CUEDC1: variants seen among roughly 807,000 people sequenced by gnomAD.
The protein encoded by CUEDC1 is CUE domain containing 1, also known as CUE domain-containing protein 1.
Under a neutral mutation model 43.7 loss-of-function variants are expected in CUEDC1, and 30 were observed. The ratio of observed to expected loss-of-function variants is 0.69; its 90% CI spans 0.51 to 0.93. The LOEUF is 0.93. Ranked by LOEUF, CUEDC1 falls within the 40% of genes least tolerant of loss-of-function variation. CUEDC1 has a pLI of 0.00. For synonymous variants in CUEDC1, 223 were observed against 223.6 expected (o/e 1.00, Z 0.02); for missense variants, 486 against 549.0 (o/e 0.89, Z 1.15).
intron 1 of CUEDC1, among the ~76,000 whole-genome samples, chr17:57,953,225 C>T (rs922665786): frequency 1.3e-5 from 2 of 152,222 alleles, no homozygotes; most frequent in Non-Finnish European, 2.9e-5. Flanking sequence ...TATCCACCTC[C>T]ACCCAAATCC....
At chr17:57,878,758 C>T (rs950723421) in intron 3 of CUEDC1, among the ~76,000 whole-genome samples, 12 of 152,144 alleles carry the variant, frequency 7.9e-5, no homozygotes, top group African/African-American at 2.7e-4. Flanking sequence ...CCTCCGCCTC[C>T]GGGGTTCAAG....
Position 57,938,277 on chromosome 17 carries a change from C to A in CUEDC1, c.-316+16948G>T, listed in dbSNP as rs111334068. 6.7e-3 allele frequency among the ~76,000 whole-genome samples: 1,020 copies of A among 152,312 alleles called. 13 individuals carry two copies. The highest frequency in any genetic ancestry group is 0.023 in the African/African-American group (969 of 41,566). On this transcript the variant is annotated intron_variant, in intron 1 of 10. Transcript: ENST00000577830. Reference sequence around the variant, plus strand: ...TGTATTTACGCAGGTGATAAATACACGTTTACTCTCTGGTTTATGATGTCA... The same window carrying A: ...TGTATTTACGCAGGTGATAAATACAAGTTTACTCTCTGGTTTATGATGTCA...
At chr17:57,866,135 A>G (rs1448007203) in intron 10 of CUEDC1, among the ~76,000 whole-genome samples, 1 of 151,996 alleles carries the variant, frequency 6.6e-6, no homozygotes, top group African/African-American at 2.4e-5. Flanking sequence ...TTTTTCTTAA[A>G]TCATCCTCTC....
chr17:57,936,114 G>A (rs1190440409), intron 1 of CUEDC1, among the ~76,000 whole-genome samples: 2 of 152,234 alleles, frequency 1.3e-5, no homozygotes, highest in African/African-American at 2.4e-5. Flanking sequence ...GAAAGGGAGG[G>A]TCTCTCCTCT....
intron 3 of CUEDC1, among the ~76,000 whole-genome samples, chr17:57,877,048 G>A (rs758616314): frequency 6.6e-6 from 1 of 152,182 alleles, no homozygotes; most frequent in African/African-American, 2.4e-5. Flanking sequence ...GAAGAAAGGG[G>A]TGGGGAGAAC....
At chr17:57,918,955 G>A (rs1212921778) in intron 1 of CUEDC1, among the ~76,000 whole-genome samples, 5 of 152,164 alleles carry the variant, frequency 3.3e-5, no homozygotes, top group Non-Finnish European at 7.4e-5. Context: ...CCGGGATGAA[G>A]CGATGCTTCT....
At chr17:57,879,771 A>G (rs2074179547) in intron 2 of CUEDC1, 33 bp from the exon 3 acceptor site, 5 of 1,581,300 alleles carry the variant, frequency 3.2e-6, no homozygotes, top group Non-Finnish European at 3.4e-6. Context: ...AGAAATATTA[A>G]TCATCCCTCC....
intron 1 of CUEDC1, among the ~76,000 whole-genome samples, chr17:57,920,375 T>G (rs1189877302): frequency 3.9e-5 from 6 of 152,220 alleles, no homozygotes; most frequent in Non-Finnish European, 7.3e-5. Context: ...CCTGGTTTTA[T>G]CTTGCTGAAG....
chr17:57,867,348 C>T lies in CUEDC1; in HGVS notation c.1093+9G>A. The T allele has an allele frequency of 6.4e-7, 1 of 1,551,730 alleles. No homozygotes were observed. The highest frequency in any genetic ancestry group is 8.7e-7 in the Non-Finnish European group (1 of 1,146,900). On this transcript the variant is annotated intron_variant, in intron 9 of 10. Coordinates refer to ENST00000577830, the MANE Select transcript of CUEDC1 (RefSeq NM_001271875.2). ...GAAGTTGGAGCTTACGACTCCCCTCCAGCCTCACCACACGCGTGGCCCTCC... is the reference window on the plus strand; with the variant it reads ...GAAGTTGGAGCTTACGACTCCCCTCTAGCCTCACCACACGCGTGGCCCTCC...
chr17:57,913,056 T>C (rs148768886), intron 1 of CUEDC1, among the ~76,000 whole-genome samples: 2,238 of 152,198 alleles, frequency 0.015, 74 homozygotes, highest in African/African-American at 0.052. Context: ...CCGGGCACAG[T>C]GGCTCACACC....
intron 1 of CUEDC1, among the ~76,000 whole-genome samples, chr17:57,914,452 T>A (rs1226765329): frequency 6.6e-6 from 1 of 152,114 alleles, no homozygotes; most frequent in African/African-American, 2.4e-5. Flanking sequence ...ACCCTTTGGA[T>A]AAAGCACAGG....
At position 57,872,817 on chromosome 17, in the gene CUEDC1, T is replaced by C. The variant is rs201998541; in HGVS notation, c.630A>G (p.Gly210=). 6.2e-7 allele frequency: 1 copy of C among 1,613,988 alleles called. No homozygotes were observed. The highest frequency in any genetic ancestry group is 2.2e-5 in the East Asian group (1 of 44,878). Residue 210 remains glycine, a synonymous_variant, in exon 5 of 11, where the codon GGA becomes GGG. Coordinates refer to ENST00000577830, the MANE Select transcript of CUEDC1 (RefSeq NM_001271875.2). ...CTGGCCCAGCCATGGCAGGTGGACA[T>C]CCCTCTCCACTCCCAGGCTTGGGGC... ...AGGPKPGSGE[G]CPPAMAGPGP...
chr17:57,896,117 G>T (rs2074405458), intron 1 of CUEDC1, among the ~76,000 whole-genome samples: 1 of 152,180 alleles, frequency 6.6e-6, no homozygotes, highest in Non-Finnish European at 1.5e-5. Flanking sequence ...GGAGGGTCCT[G>T]CAAACAGAAC....
chr17:57,891,611 C>T (rs2074355454), intron 1 of CUEDC1, among the ~76,000 whole-genome samples: 1 of 152,228 alleles, frequency 6.6e-6, no homozygotes, highest in Non-Finnish European at 1.5e-5. Context: ...ACCTCGCTGT[C>T]ATATGTGCAC....
chr17:57,917,108 T>C (rs1396912135), intron 1 of CUEDC1, among the ~76,000 whole-genome samples: 2 of 152,164 alleles, frequency 1.3e-5, no homozygotes, highest in Non-Finnish European at 2.9e-5. Context: ...TGGAGAAGAA[T>C]GGGCGGCAAC....
At chr17:57,949,729 C>T (rs976456084) in intron 1 of CUEDC1, among the ~76,000 whole-genome samples, 2 of 151,918 alleles carry the variant, frequency 1.3e-5, no homozygotes, top group African/African-American at 4.8e-5. Flanking sequence ...CATGCCACCA[C>T]GCCTAGCTAA....
chr17:57,903,488 C>T (rs1460070465), intron 1 of CUEDC1: 1 of 152,350 alleles, frequency 6.6e-6, no homozygotes, highest in East Asian at 1.9e-4. Context: ...GTGGGGCAGG[C>T]TCAGAATTGC....
At chr17:57,889,170 G>T (rs879596705) in intron 1 of CUEDC1, among the ~76,000 whole-genome samples, 17 of 152,206 alleles carry the variant, frequency 1.1e-4, no homozygotes, top group Admixed American at 6.5e-4. Flanking sequence ...ATCCCTTAGG[G>T]GGTTTCAATG....
chr17:57,889,182 G>A (rs1461320599), intron 1 of CUEDC1, among the ~76,000 whole-genome samples: 1 of 152,186 alleles, frequency 6.6e-6, no homozygotes, highest in African/African-American at 2.4e-5. Context: ...GTTTCAATGG[G>A]AATGAAATAA....
Sources: gnomAD v4.1 joint callset for allele counts (sites outside exome capture counted in the v4.1 genomes callset) on GRCh38, gnomAD v4.1.1 for gene constraint, MANE v1.5 for transcripts, NCBI Gene and HGNC (gene_info 2026-07-23, HGNC 2026-07-21) for gene names.